Variants in XKR4 observed in about 807,000 individuals in gnomAD.
XKR4 encodes XK-related protein 4.
Under a neutral mutation model 53.9 loss-of-function variants are expected in XKR4, and 12 were observed. That is an observed-to-expected ratio of 0.22 (90% confidence interval 0.14 to 0.36). The LOEUF (loss-of-function observed/expected upper bound fraction) is 0.36. Among genes scored for constraint, XKR4 ranks in the 10% least tolerant of loss-of-function variants. XKR4 has a pLI of 1.00. For synonymous variants in XKR4, 354 were observed against 362.4 expected (o/e 0.98, Z 0.26); for missense variants, 799 against 859.5 (o/e 0.93, Z 0.88).
chr8:55,191,900 T>C (rs946358059), intron 1 of XKR4, among the ~76,000 whole-genome samples: 6 of 152,118 alleles, frequency 3.9e-5, no homozygotes, highest in African/African-American at 1.4e-4. Flanking sequence ...TTCTCCCTCC[T>C]GGAATCTTTA....
chr8:55,136,395 A>G (rs575280012), intron 1 of XKR4, among the ~76,000 whole-genome samples: 2 of 152,326 alleles, frequency 1.3e-5, no homozygotes, highest in South Asian at 4.1e-4. Flanking sequence ...CCTCAGTTTC[A>G]TGACTGCTTT....
At chr8:55,245,383 G>A (rs571779966) in intron 1 of XKR4, among the ~76,000 whole-genome samples, 42 of 151,826 alleles carry the variant, frequency 2.8e-4, no homozygotes, top group African/African-American at 8.0e-4. Context: ...TTTTTGTAGC[G>A]GGGGAAAATT....
chr8:55,391,915 A>G (rs1310582039), intron 2 of XKR4, among the ~76,000 whole-genome samples: 1 of 152,212 alleles, frequency 6.6e-6, no homozygotes, highest in East Asian at 1.9e-4. Context: ...TTAATAGTCA[A>G]TTTTGTAGTT....
chr8:55,477,219 T>C (rs1806006773), intron 2 of XKR4, among the ~76,000 whole-genome samples: 6 of 152,086 alleles, frequency 3.9e-5, no homozygotes, highest in Admixed American at 3.9e-4. Flanking sequence ...GGCAGCAGCA[T>C]TTGCAGTTCA....
chr8:55,461,045 G>T (rs960483341), intron 2 of XKR4, among the ~76,000 whole-genome samples: 6 of 152,228 alleles, frequency 3.9e-5, no homozygotes, highest in African/African-American at 1.4e-4. Context: ...CTCCACCTCT[G>T]GGACAGGGCA....
intron 2 of XKR4, among the ~76,000 whole-genome samples, chr8:55,440,914 A>T (rs1805254004): frequency 6.6e-6 from 1 of 152,096 alleles, no homozygotes; most frequent in African/African-American, 2.4e-5. Context: ...AATAAATAGA[A>T]GCTGTCAAAT....
chr8:55,420,577 T>C (rs930413368), intron 2 of XKR4, among the ~76,000 whole-genome samples: 2 of 137,696 alleles, frequency 1.5e-5, no homozygotes, highest in African/African-American at 2.8e-5. Flanking sequence ...TAGGTCGGAA[T>C]TGAACAATGA....
At position 55,452,350 on chromosome 8, in the gene XKR4, G is replaced by T. The variant is rs111833141; in HGVS notation, c.1007-70931G>T. 9.6e-4 allele frequency: 601 copies of T among 628,482 alleles called. 2 individuals are homozygous for T. In the African/African-American group the frequency reaches 9.9e-3, roughly 10 times the overall value. 38.9% of individuals were successfully genotyped at this position (628,482 alleles called of 1,614,324 possible). On this transcript the variant is annotated intron_variant, in intron 2 of 2. Transcript: ENST00000327381. ...CGGAACACCACCTTCTCCCCCACCAGGGGGTCTGTGAGCATCCCCGTGAAG... is the reference window on the plus strand; with the variant it reads ...CGGAACACCACCTTCTCCCCCACCATGGGGTCTGTGAGCATCCCCGTGAAG...
rs1805564613 is a variant in XKR4, at chr8:55,456,057, G to C, written c.1007-67224G>C. 2.0e-5 allele frequency among the ~76,000 whole-genome samples: 3 copies of C among 152,230 alleles called. No homozygotes were observed. In the South Asian group the frequency reaches 6.2e-4, roughly 32 times the overall value. On this transcript the variant is annotated intron_variant, in intron 2 of 2. Transcript: ENST00000327381. ...ATATATTATCTAAAATTTCCATTTT[G>C]GGGCAAAACAATTACTAAGCATGCA...
intron 2 of XKR4, among the ~76,000 whole-genome samples, chr8:55,388,950 C>G (rs1177750414): frequency 6.6e-6 from 1 of 151,998 alleles, no homozygotes; most frequent in African/African-American, 2.4e-5. Flanking sequence ...AGAATGGGAC[C>G]TTATTCACAA....
intron 1 of XKR4, among the ~76,000 whole-genome samples, chr8:55,228,018 T>C (rs1429867918): frequency 6.6e-6 from 1 of 152,238 alleles, no homozygotes; most frequent in Admixed American, 6.5e-5. Context: ...GCAATTCTCC[T>C]GCCTCAGCCT....
intron 2 of XKR4, among the ~76,000 whole-genome samples, chr8:55,433,100 G>T: frequency 6.6e-6 from 1 of 152,084 alleles, no homozygotes; most frequent in East Asian, 1.9e-4. Flanking sequence ...AAATTCATAT[G>T]ACACTTTTTT....
chr8:55,501,588 T>C (rs1024135272), intron 2 of XKR4, among the ~76,000 whole-genome samples: 7 of 152,162 alleles, frequency 4.6e-5, no homozygotes, highest in East Asian at 1.9e-4. Context: ...ATTTCACTTG[T>C]TGTAATGTTT....
At chr8:55,501,530 C>T (rs1383158906) in intron 2 of XKR4, among the ~76,000 whole-genome samples, 3 of 152,100 alleles carry the variant, frequency 2.0e-5, no homozygotes, top group Admixed American at 2.0e-4. Flanking sequence ...ACTCTAGGTG[C>T]CTCATAGAAG....
rs1806961417 is a variant in XKR4 at position 55,532,100 on chromosome 8, G to A, written c.*7873G>A. ...CTTATGTGAAATAATTCTGGTCAGG[G>A]AATATATAAACCCATTGGCCCTCTA... On this transcript the variant is annotated 3_prime_UTR_variant, in exon 3 of 3. Coordinates refer to ENST00000327381, the MANE Select transcript of XKR4 (RefSeq NM_052898.2). The A allele has an allele frequency of 6.6e-6, 1 of 152,132 alleles. No homozygotes were observed. The highest frequency in any genetic ancestry group is 2.4e-5 in the African/African-American group (1 of 41,406). The allele number at this position is 152,132 out of a possible 1,614,324, so 9.4% of individuals were successfully genotyped here.
Position 55,466,474 on chromosome 8 carries a change from G to A in XKR4, c.1007-56807G>A, listed in dbSNP as rs192610433. On this transcript the variant is annotated intron_variant, in intron 2 of 2. Coordinates refer to ENST00000327381, the MANE Select transcript of XKR4 (RefSeq NM_052898.2). ...CACAGGAAGGTGAACATCTCACACC[G>A]GGGACTGTTATGGAGTGGGGGGAGG... Among the ~76,000 whole-genome samples the A allele has an allele frequency of 6.1e-3, 922 of 152,062 alleles. 15 individuals carry two copies. Among genetic ancestry groups the A allele is most frequent in the African/African-American group, 0.021 (852 of 41,424 alleles).
chr8:55,210,596 G>A lies in XKR4; in HGVS notation c.806+107302G>A, dbSNP rs16921407. 6.0e-3 allele frequency among the ~76,000 whole-genome samples: 916 copies of A among 152,280 alleles called. 27 individuals carry two copies. Among genetic ancestry groups the A allele is most frequent in the Admixed American group, 0.052 (798 of 15,294 alleles). On this transcript the variant is annotated intron_variant, in intron 1 of 2. Transcript: ENST00000327381. ...AGAAGAAAAACTATTTTGTTTTTCC[G>A]TATTGTTGAGGGATTTGAAGAAGCC...
chr8:55,220,639 C>A (rs572784057), intron 1 of XKR4, among the ~76,000 whole-genome samples: 1 of 152,132 alleles, frequency 6.6e-6, no homozygotes, highest in Non-Finnish European at 1.5e-5. Context: ...CTGGGGCCTT[C>A]CCACTGAACT....
chr8:55,366,753 C>T (rs1471675368), intron 2 of XKR4, among the ~76,000 whole-genome samples: 1 of 152,226 alleles, frequency 6.6e-6, no homozygotes, highest in Non-Finnish European at 1.5e-5. Context: ...TCCTTCTCTT[C>T]TACCCTGGAG....
Sources: gnomAD v4.1 joint callset for allele counts (sites outside exome capture counted in the v4.1 genomes callset) on GRCh38, gnomAD v4.1.1 for gene constraint, MANE v1.5 for transcripts, NCBI Gene and HGNC (gene_info 2026-07-23, HGNC 2026-07-21) for gene names.